SCARA3: variants seen among roughly 807,000 people sequenced by gnomAD.
The protein encoded by SCARA3 is cellular stress response gene protein.
A neutral mutation model predicts 47.0 loss-of-function variants in SCARA3; 39 were observed. The ratio of observed to expected loss-of-function variants is 0.83; its 90% confidence interval spans 0.64 to 1.08. The LOEUF is 1.08. SCARA3 is among the 50% of genes least tolerant of loss of function. SCARA3 has a pLI of 0.00. For missense variants in SCARA3, 724 were observed against 792.3 expected (o/e 0.91, Z 1.04); for synonymous variants, 356 against 334.1 (o/e 1.07, Z -0.71).
chr8:27,729,726 A>G, the SCARA3 span, among the ~76,000 whole-genome samples: 1 of 152,140 alleles, frequency 6.6e-6, no homozygotes, highest in Non-Finnish European at 1.5e-5. Context: ...GGGAGGCGAA[A>G]GTTACAGTGA....
chr8:27,655,348 G>A (rs1801720908), intron 3 of SCARA3, among the ~76,000 whole-genome samples: 1 of 152,114 alleles, frequency 6.6e-6, no homozygotes, highest in Non-Finnish European at 1.5e-5. Flanking sequence ...GACCTTAAGA[G>A]GATCTGTGGG....
chr8:27,658,706 A>G lies in SCARA3; in HGVS notation c.536A>G (p.His179Arg), dbSNP rs1465242386. The G allele has an allele frequency of 1.2e-6, 2 of 1,613,848 alleles. No individual in the cohort carries two copies. The highest frequency in any genetic ancestry group is 1.3e-5 in the African/African-American group (1 of 74,900). Residue 179 changes from histidine (H) to arginine (R), a missense_variant, in exon 5 of 6, where the codon CAC becomes CGC. His to Arg is a conservative substitution (Grantham distance 29). Transcript: ENST00000301904. The stretch of plus-strand genomic sequence containing the variant: ...ATGGGCAGTTGCTCCTTCTCCATCC[A>G]CCAGGTTAACCAGTCTCTGGGGCTC... ...QEMGSCSFSI[H>R]QVNQSLGLFL... is the part of the protein sequence containing the mutation.
chr8:27,686,167 G>A, the SCARA3 span, among the ~76,000 whole-genome samples: 7 of 152,248 alleles, frequency 4.6e-5, no homozygotes, highest in African/African-American at 7.2e-5. Context: ...GTTGCTGGGC[G>A]TGGTGGCTCA....
At chr8:27,731,574 G>A in the SCARA3 span, among the ~76,000 whole-genome samples, 1,496 of 150,376 alleles carry the variant, frequency 9.9e-3, 20 homozygotes, top group African/African-American at 0.034. Context: ...CCTCGGAGAC[G>A]GAGGTTGCAG....
At chr8:27,641,124 A>G (rs1196440444) in intron 1 of SCARA3, among the ~76,000 whole-genome samples, 3 of 152,244 alleles carry the variant, frequency 2.0e-5, no homozygotes, top group South Asian at 2.1e-4. Context: ...CATAGCATGC[A>G]GTGATCACCT....
intron 1 of SCARA3, 43 bp from the exon 2 acceptor site, chr8:27,649,659 G>T: frequency 6.4e-7 from 1 of 1,574,476 alleles, no homozygotes; most frequent in East Asian, 2.2e-5. Flanking sequence ...TGCTGGAGAG[G>T]CCTGGGATGG....
At chr8:27,730,488 A>T in the SCARA3 span, among the ~76,000 whole-genome samples, 2 of 137,196 alleles carry the variant, frequency 1.5e-5, no homozygotes, top group Non-Finnish European at 1.6e-5. Flanking sequence ...TCTGCCTTTG[A>T]TTTTTTTTTT....
chr8:27,641,030 C>T (rs1801370715), intron 1 of SCARA3, among the ~76,000 whole-genome samples: 1 of 152,190 alleles, frequency 6.6e-6, no homozygotes, highest in Non-Finnish European at 1.5e-5. Context: ...TCATAACATC[C>T]CATAGTAAGA....
At chr8:27,640,466 G>T (rs1801358850) in intron 1 of SCARA3, among the ~76,000 whole-genome samples, 1 of 152,042 alleles carries the variant, frequency 6.6e-6, no homozygotes, top group African/African-American at 2.4e-5. Context: ...GGTTACTGCA[G>T]CCTTGACCTC....
At chr8:27,675,032 G>A (rs1442192131), downstream of SCARA3, among the ~76,000 whole-genome samples, 1 of 151,938 alleles carries the variant, frequency 6.6e-6, no homozygotes, top group African/African-American at 2.4e-5. Context: ...AGGCTGCCTG[G>A]GCCTCCTTCT....
At chr8:27,711,808 TC>T in the SCARA3 span, among the ~76,000 whole-genome samples, 1 of 152,136 alleles carries the variant, frequency 6.6e-6, no homozygotes, top group Non-Finnish European at 1.5e-5. Flanking sequence ...AGTACAGAGT[TC>T]CCATATACTC....
chr8:27,660,838 CTAGCTAGATAGATAGA>C (rs1348081462), intron 5 of SCARA3, among the ~76,000 whole-genome samples: 8 of 49,730 alleles, frequency 1.6e-4, no homozygotes, highest in African/African-American at 3.2e-4. Context: ...AGATAGCTAG[CTAGCTAGATAGATAGA>C]TAGATAGATA....
the SCARA3 span, among the ~76,000 whole-genome samples, chr8:27,730,623 A>G: frequency 6.6e-6 from 1 of 151,762 alleles, no homozygotes; most frequent in Non-Finnish European, 1.5e-5. Flanking sequence ...AGGTGGGACT[A>G]TAAGGCGACT....
the SCARA3 span, among the ~76,000 whole-genome samples, chr8:27,714,195 T>TTTTTTTTTC: frequency 7.3e-6 from 1 of 136,356 alleles, no homozygotes; most frequent in African/African-American, 2.8e-5. Flanking sequence ...AGGTATTCCT[T>TTTTTTTTTC]TTTTTTTTTT....
At chr8:27,642,025 G>A (rs527762151) in intron 1 of SCARA3, among the ~76,000 whole-genome samples, 2 of 152,340 alleles carry the variant, frequency 1.3e-5, no homozygotes, top group South Asian at 2.1e-4. Flanking sequence ...GAAACGTGGA[G>A]TTAAACACAG....
the SCARA3 span, among the ~76,000 whole-genome samples, chr8:27,696,766 C>T: frequency 1.3e-5 from 2 of 152,054 alleles, no homozygotes; most frequent in African/African-American, 2.4e-5. Context: ...ACAGGTGAAC[C>T]ACTGAGCCTG....
At chr8:27,657,065 G>C (rs1176853379) in intron 4 of SCARA3, among the ~76,000 whole-genome samples, 185 bp downstream of exon 4, 1 of 152,108 alleles carries the variant, frequency 6.6e-6, no homozygotes, top group African/African-American at 2.4e-5. Flanking sequence ...TGCTACCCTG[G>C]GATACTCCCA....
intron 5 of SCARA3, among the ~76,000 whole-genome samples, chr8:27,669,167 A>G (rs1304587770): frequency 6.6e-6 from 1 of 152,150 alleles, no homozygotes. Flanking sequence ...ATGCCCACCC[A>G]GACAGGGAGG....
At chr8:27,705,073 G>T in the SCARA3 span, among the ~76,000 whole-genome samples, 1 of 152,158 alleles carries the variant, frequency 6.6e-6, no homozygotes, top group African/African-American at 2.4e-5. Flanking sequence ...AGCAATCAGC[G>T]AGGGTACCAA....
Sources: allele counts gnomAD v4.1 joint callset (sites outside exome capture counted in the v4.1 genomes callset), GRCh38; gene constraint gnomAD v4.1.1; transcripts MANE v1.5; gene names NCBI Gene and HGNC (gene_info 2026-07-23, HGNC 2026-07-21).